The following HERC4 variants were observed in gnomAD, a reference collection of about 807,000 sequenced individuals.
The protein encoded by HERC4 is HECT and RLD domain containing E3 ubiquitin protein ligase 4, also known as probable E3 ubiquitin-protein ligase HERC4.
Under a neutral mutation model 124.3 loss-of-function variants are expected in HERC4, and 28 were observed. That is an observed-to-expected ratio of 0.23 (90% confidence interval 0.17 to 0.31). The LOEUF (loss-of-function observed/expected upper bound fraction) is 0.31. HERC4 is among the 10% of genes least tolerant of loss of function. The probability of loss-of-function intolerance (pLI) is 1.00; values close to 1 mark genes in which losing one functional copy is unlikely to be tolerated. For missense variants in HERC4, 713 were observed against 1,229.3 expected (o/e 0.58, Z 6.28); for synonymous variants, 407 against 421.5 (o/e 0.97, Z 0.42).
chr10:67,983,978 A>G (rs780801543), intron 15 of HERC4, among the ~76,000 whole-genome samples: 1 of 151,800 alleles, frequency 6.6e-6, no homozygotes, highest in Non-Finnish European at 1.5e-5. Flanking sequence ...AAAAGAACGA[A>G]TACAGAAAAT....
intron 15 of HERC4, among the ~76,000 whole-genome samples, chr10:67,977,295 T>C (rs1203611725): frequency 1.3e-5 from 2 of 152,172 alleles, no homozygotes; most frequent in African/African-American, 4.8e-5. Flanking sequence ...ACAACATTTC[T>C]AGATACACAG....
intron 7 of HERC4, among the ~76,000 whole-genome samples, chr10:68,028,805 C>T (rs1295901211): frequency 1.3e-5 from 2 of 152,094 alleles, no homozygotes; most frequent in East Asian, 1.9e-4. Flanking sequence ...GTTTATAATA[C>T]AGTAAAATAA....
In HERC4 at chr10:68,010,663, T is replaced by A. The variant is rs1019689701; in HGVS notation, c.1069+3363A>T. 5.3e-5 allele frequency: 78 copies of A among 1,465,092 alleles called. No homozygotes were observed. The African/African-American group carries it at 9.3e-4, about 18-fold the overall frequency. 90.8% of individuals were successfully genotyped at this position (1,465,092 alleles called of 1,614,324 possible). On this transcript the variant is annotated intron_variant, in intron 9 of 24. Coordinates refer to ENST00000373700, the MANE Select transcript of HERC4 (RefSeq NM_015601.4). The stretch of plus-strand genomic sequence containing the variant: ...TTGTTGTCGGCTTCCTCCACCCACT[T>A]CTGCAGCAAGGGCCGCGCCGCTTAC...
At chr10:67,981,080 C>T (rs997917154) in intron 15 of HERC4, among the ~76,000 whole-genome samples, 8 of 152,058 alleles carry the variant, frequency 5.3e-5, no homozygotes, top group African/African-American at 1.9e-4. Flanking sequence ...ATGAACTAAA[C>T]TCATGAATCA....
rs1331816484 is a variant in HERC4, at chr10:67,936,217, CAA to C, written c.2588_2589del (p.Phe863TrpfsTer18). ...ACCAGCTCTTTCACTTCTGTTGCAC[CAA>C]AGTTTTCAACTGTGATCTATTAATT... is the stretch of plus-strand genomic sequence containing the variant. ...CLNFTITVEN[F>X]GATEVKELVL... On this transcript the variant is annotated frameshift_variant, in exon 22 of 25. Coordinates refer to ENST00000373700, the MANE Select transcript of HERC4 (RefSeq NM_015601.4). LOFTEE classifies it high-confidence loss of function. 6.3e-7 allele frequency: 1 copy of C among 1,597,564 alleles called. No homozygotes were observed. Among genetic ancestry groups the C allele is most frequent in the Non-Finnish European group, 8.5e-7 (1 of 1,172,944 alleles).
At chr10:67,968,773 C>T (rs1422394128) in intron 15 of HERC4, among the ~76,000 whole-genome samples, 1 of 151,968 alleles carries the variant, frequency 6.6e-6, no homozygotes, top group Non-Finnish European at 1.5e-5. Context: ...CAAGAAGTCA[C>T]AACAATCCAA....
At chr10:67,968,004 T>C (rs901559410) in intron 15 of HERC4, among the ~76,000 whole-genome samples, 4 of 152,076 alleles carry the variant, frequency 2.6e-5, no homozygotes, top group Non-Finnish European at 5.9e-5. Context: ...CTACTCTTCC[T>C]GGCACTAACA....
At chr10:68,021,992 T>A (rs1348126243) in intron 8 of HERC4, among the ~76,000 whole-genome samples, 1 of 152,184 alleles carries the variant, frequency 6.6e-6, no homozygotes, top group Non-Finnish European at 1.5e-5. Context: ...TGAATTTCTA[T>A]ACATTAACAA....
intron 23 of HERC4, among the ~76,000 whole-genome samples, chr10:67,926,343 G>A (rs1377360638): frequency 6.6e-6 from 1 of 151,476 alleles, no homozygotes; most frequent in Non-Finnish European, 1.5e-5. Flanking sequence ...GTTGTAGTGA[G>A]CCAAGACTGT....
chr10:68,067,577 T>C (rs2041360055), intron 3 of HERC4: 3 of 152,256 alleles, frequency 2.0e-5, no homozygotes. Context: ...ATATTACTTT[T>C]TAAATTTCAA....
intron 8 of HERC4, among the ~76,000 whole-genome samples, chr10:68,015,714 A>G (rs2038222297): frequency 6.6e-6 from 1 of 152,172 alleles, no homozygotes; most frequent in South Asian, 2.1e-4. Context: ...CTGCAATACT[A>G]TTTTATTAAA....
In HERC4 at chr10:67,988,811, G is replaced by C. The variant is rs756224669; in HGVS notation, c.1658C>G (p.Pro553Arg). The change falls in exon 15 of 25, where the codon CCT becomes CGT. Residue 553 changes from proline to arginine, a missense_variant. Physicochemically the swap from Pro to Arg is moderately radical, Grantham distance 103. Transcript: ENST00000373700. The stretch of plus-strand genomic sequence containing the variant: ...TTCTACTATCTTGAGGAATAGTGGA[G>C]GTTCAAGTACTGACCACCAGTTTTC... ...VLENWWSVLE[P>R]PLFLKIVELF... is the part of the protein sequence containing the mutation. 16 of 1,602,428 alleles carry C rather than the reference G, an allele frequency of 1.0e-5. No homozygotes were observed. The highest frequency in any genetic ancestry group is 1.4e-5 in the Non-Finnish European group (16 of 1,175,500).
At chr10:67,981,190 G>C (rs1004840503) in intron 15 of HERC4, among the ~76,000 whole-genome samples, 1 of 152,048 alleles carries the variant, frequency 6.6e-6, no homozygotes, top group East Asian at 1.9e-4. Flanking sequence ...CAAAATAAAG[G>C]GATGGAAAAA....
At chr10:68,016,073 A>G (rs1309922301) in intron 8 of HERC4, among the ~76,000 whole-genome samples, 1 of 152,156 alleles carries the variant, frequency 6.6e-6, no homozygotes, top group Non-Finnish European at 1.5e-5. Flanking sequence ...ACCACACTCC[A>G]GCCTGGGCAA....
intron 3 of HERC4, among the ~76,000 whole-genome samples, chr10:68,060,376 T>C (rs1346936034): frequency 2.6e-5 from 4 of 152,040 alleles, no homozygotes; most frequent in Non-Finnish European, 4.4e-5. Flanking sequence ...TAGCTGGGAT[T>C]ACAGATGCAC....
At chr10:67,986,085 G>C (rs2036245773) in intron 15 of HERC4, among the ~76,000 whole-genome samples, 1 of 152,218 alleles carries the variant, frequency 6.6e-6, no homozygotes, top group Admixed American at 6.5e-5. Context: ...CATATCTACA[G>C]ATACCTATTT....
At chr10:67,986,365 T>C (rs2036260365) in intron 15 of HERC4, among the ~76,000 whole-genome samples, 1 of 152,214 alleles carries the variant, frequency 6.6e-6, no homozygotes, top group Non-Finnish European at 1.5e-5. Flanking sequence ...TATTATTTAT[T>C]TTTTTGAGAC....
intron 19 of HERC4, 116 bp downstream of exon 19, chr10:67,954,479 A>C: frequency 1.3e-6 from 1 of 773,354 alleles, no homozygotes; most frequent in South Asian, 3.8e-5. Flanking sequence ...AATAAAGCAG[A>C]TCTTATATGT....
intron 3 of HERC4, chr10:68,067,604 A>G (rs748116935): frequency 3.3e-5 from 5 of 152,230 alleles, no homozygotes; most frequent in Non-Finnish European, 7.3e-5. Context: ...TTTAAGGAGC[A>G]GCTCGTTTAT....
Sources: allele counts gnomAD v4.1 joint callset (sites outside exome capture counted in the v4.1 genomes callset), GRCh38; gene constraint gnomAD v4.1.1; transcripts MANE v1.5; gene names NCBI Gene and HGNC (gene_info 2026-07-23, HGNC 2026-07-21).